ZFYVE16: variants seen among roughly 807,000 people sequenced by gnomAD.
ZFYVE16 encodes zinc finger FYVE domain-containing protein 16.
In ZFYVE16, 89 loss-of-function variants were observed where a neutral mutation model predicts 138.1. The observed-to-expected ratio is 0.64, with a 90% CI of 0.54 to 0.77. The LOEUF (loss-of-function observed/expected upper bound fraction) is 0.77. ZFYVE16 is among the 30% of genes least tolerant of loss of function. ZFYVE16 has a pLI of 0.00. For synonymous variants in ZFYVE16, 596 were observed against 618.3 expected (o/e 0.96, Z 0.53); for missense variants, 1,793 against 1,786.7 (o/e 1.00, Z -0.06).
chr5:80,475,722 A>G (rs923381633), intron 18 of ZFYVE16, among the ~76,000 whole-genome samples: 4 of 152,208 alleles, frequency 2.6e-5, no homozygotes, highest in Non-Finnish European at 5.9e-5. Context: ...TAAATGTACC[A>G]TAATTTATCT....
chr5:80,431,971 G>T (rs1184895667), intron 2 of ZFYVE16, among the ~76,000 whole-genome samples: 1 of 152,216 alleles, frequency 6.6e-6, no homozygotes, highest in African/African-American at 2.4e-5. Flanking sequence ...CATGCTCATG[G>T]ATAGGGAGAA....
Position 80,437,597 on chromosome 5 carries a change from C to G in ZFYVE16, c.912C>G (p.Cys304Trp). ...KEEGKTSALT[C>W]SLPKNEDLCL... is the part of the protein sequence containing the mutation. The stretch of plus-strand genomic sequence containing the variant: ...AGGGCAAGACAAGTGCTTTGACCTG[C>G]AGCCTTCCGAAAAATGAAGATTTAT... The change falls in exon 4 of 19, where the codon TGC becomes TGG. Residue 304 changes from cysteine to tryptophan, a missense_variant. Around this residue, in one of 2 missense-constraint regions of ZFYVE16, gnomAD observed 1,295 missense variants for 1,204.3 expected, o/e 1.08. Coordinates refer to ENST00000505560, the MANE Select transcript of ZFYVE16 (RefSeq NM_001284236.3). The G allele has an allele frequency of 6.2e-7, 1 of 1,613,200 alleles. No homozygotes were observed. The highest frequency in any genetic ancestry group is 8.5e-7 in the Non-Finnish European group (1 of 1,179,732).
chr5:80,438,468 A>G lies in ZFYVE16; in HGVS notation c.1783A>G (p.Ile595Val), dbSNP rs1482867495. ...TGGGGAAAGTCATGGTATTAATATAATTTGTGAAATAGTTGATAAACAAAA... is the reference window on the plus strand; with the variant it reads ...TGGGGAAAGTCATGGTATTAATATAGTTTGTGAAATAGTTGATAAACAAAA... The part of the protein sequence containing the change: ...AIGESHGINI[I>V]CEIVDKQNTI... The change falls in exon 4 of 19, where the codon ATT becomes GTT. Residue 595 changes from isoleucine (I) to valine (V), a missense_variant. Ile to Val is a conservative substitution (Grantham distance 29). Coordinates refer to ENST00000505560, the MANE Select transcript of ZFYVE16 (RefSeq NM_001284236.3). 9.3e-6 allele frequency: 15 copies of G among 1,613,712 alleles called. No homozygotes were observed. The highest frequency in any genetic ancestry group is 1.3e-5 in the Non-Finnish European group (15 of 1,179,836).
intron 10 of ZFYVE16, 88 bp from the exon 11 acceptor site, chr5:80,451,396 GT>G (rs1157154372): frequency 2.0e-6 from 2 of 1,022,476 alleles, no homozygotes; most frequent in Non-Finnish European, 1.4e-6. Flanking sequence ...TATTGGATCA[GT>G]TTTTTGGATT....
intron 15 of ZFYVE16, among the ~76,000 whole-genome samples, chr5:80,470,752 C>T (rs1460206466): frequency 6.6e-6 from 1 of 152,028 alleles, no homozygotes; most frequent in Non-Finnish European, 1.5e-5. Flanking sequence ...CTTAAGATAT[C>T]CTCCCTCCTT....
At chr5:80,461,527 C>T (rs908917071) in intron 15 of ZFYVE16, among the ~76,000 whole-genome samples, 4 of 152,186 alleles carry the variant, frequency 2.6e-5, no homozygotes, top group African/African-American at 9.7e-5. Flanking sequence ...GCGTAAAAAG[C>T]ATAAATGTAT....
chr5:80,410,885 C>A (rs1326468926), intron 1 of ZFYVE16, among the ~76,000 whole-genome samples: 2 of 151,472 alleles, frequency 1.3e-5, no homozygotes, highest in African/African-American at 4.9e-5. Flanking sequence ...ACGTGCTGTA[C>A]TTTTTTTTAA....
chr5:80,469,183 G>A lies in ZFYVE16; in HGVS notation c.4025-3578G>A, dbSNP rs541251731. On this transcript the variant is annotated intron_variant, in intron 15 of 18. Coordinates refer to ENST00000505560, the MANE Select transcript of ZFYVE16 (RefSeq NM_001284236.3). ...AGTGGCATGATCATGGCTCACTGCA[G>A]CCTCAACCTCCAAGGCTCAGGCAGT... Among the ~76,000 whole-genome samples, 3 of 149,420 alleles carry A rather than the reference G, an allele frequency of 2.0e-5. No individual in the cohort carries two copies. In the South Asian group the frequency reaches 6.4e-4, roughly 32 times the overall value.
At chr5:80,449,559 A>G (rs1443842362) in intron 8 of ZFYVE16, 32 bp from the exon 9 acceptor site, 1 of 1,588,084 alleles carries the variant, frequency 6.3e-7, no homozygotes, top group Admixed American at 1.9e-5. Flanking sequence ...CAGGATATTT[A>G]TCCTGATTAA....
chr5:80,419,245 AT>A (rs1451052267), intron 1 of ZFYVE16, among the ~76,000 whole-genome samples: 5 of 151,702 alleles, frequency 3.3e-5, no homozygotes, highest in Non-Finnish European at 5.9e-5. Context: ...TGTCCAGCTT[AT>A]TTTTTATGTT....
intron 6 of ZFYVE16, among the ~76,000 whole-genome samples, chr5:80,444,387 A>T (rs1751066089): frequency 6.6e-6 from 1 of 152,024 alleles, no homozygotes. Flanking sequence ...AAATATGTAT[A>T]TATAATTCAA....
chr5:80,451,861 A>G (rs947620151), intron 11 of ZFYVE16, 152 bp downstream of exon 11: 40 of 725,420 alleles, frequency 5.5e-5, no homozygotes, highest in African/African-American at 1.1e-4. Context: ...CTCTTCTACT[A>G]CCAGGTTGGT....
At chr5:80,470,341 T>C (rs1754248562) in intron 15 of ZFYVE16, among the ~76,000 whole-genome samples, 1 of 151,774 alleles carries the variant, frequency 6.6e-6, no homozygotes, top group Non-Finnish European at 1.5e-5. Context: ...GACCTCGTTA[T>C]CCTCCCGCCT....
In ZFYVE16 at chr5:80,481,829, T is replaced by A. The variant is rs981596871; in HGVS notation, c.*4452T>A. 2.0e-5 allele frequency among the ~76,000 whole-genome samples: 3 copies of A among 152,142 alleles called. No homozygotes were observed. Among genetic ancestry groups the A allele is most frequent in the African/African-American group, 4.8e-5 (2 of 41,444 alleles). On this transcript the variant is annotated 3_prime_UTR_variant, in exon 19 of 19. Transcript: ENST00000505560. The stretch of plus-strand genomic sequence containing the variant: ...AGACTTAAAACTAGTTATTTTATTT[T>A]TTTTATTTATTTTTGAGACAGTCTC...
At chr5:80,468,001 A>G (rs1753911950) in intron 15 of ZFYVE16, among the ~76,000 whole-genome samples, 1 of 152,152 alleles carries the variant, frequency 6.6e-6, no homozygotes, top group South Asian at 2.1e-4. Context: ...TTAAAATGAA[A>G]ACTTCATGGT....
At chr5:80,439,108 G>A in intron 4 of ZFYVE16, 101 bp downstream of exon 4, 1 of 1,244,360 alleles carries the variant, frequency 8.0e-7, no homozygotes, top group Non-Finnish European at 1.1e-6. Context: ...ACAAGATTGA[G>A]TTAGTTTAAA....
rs770862978 is a variant in ZFYVE16, at chr5:80,459,481, C to T, written c.4011C>T (p.Ser1337=). 12 of 1,610,482 alleles carry T rather than the reference C, an allele frequency of 7.5e-6. No individual in the cohort carries two copies. Among genetic ancestry groups the T allele is most frequent in the Non-Finnish European group, 9.3e-6 (11 of 1,178,338 alleles). The part of the protein sequence containing the change: ...LKTSSGFLAK[S]SIVEDGLMVQ... ...CATCTTCAGGATTTCTTGCTAAGTC[C>T]AGCATAGTTGAAGGTATGAATTTCA... Residue 1337 remains serine (S), a synonymous_variant, in exon 15 of 19, where the codon TCC becomes TCT. Coordinates refer to ENST00000505560, the MANE Select transcript of ZFYVE16 (RefSeq NM_001284236.3).
chr5:80,427,376 A>G (rs1011352165), intron 1 of ZFYVE16, 116 bp from the exon 2 acceptor site: 11 of 151,734 alleles, frequency 7.2e-5, no homozygotes, highest in African/African-American at 2.4e-4. Flanking sequence ...AATCTATTTG[A>G]TTTGTGTTTA....
At chr5:80,430,938 C>A (rs1291484099) in intron 2 of ZFYVE16, among the ~76,000 whole-genome samples, 1 of 152,114 alleles carries the variant, frequency 6.6e-6, no homozygotes, top group Non-Finnish European at 1.5e-5. Flanking sequence ...GAAATTGAGG[C>A]AATAATTAAT....
Sources: allele counts gnomAD v4.1 joint callset (sites outside exome capture counted in the v4.1 genomes callset), GRCh38; gene constraint gnomAD v4.1.1; regional missense constraint gnomAD v4.1.1; transcripts MANE v1.5; gene names NCBI Gene and HGNC (gene_info 2026-07-23, HGNC 2026-07-21).